The following MSRA variants were observed in gnomAD, a reference collection of about 807,000 sequenced individuals.
The protein encoded by MSRA is methionine sulfoxide reductase A, also known as mitochondrial peptide methionine sulfoxide reductase.
In MSRA, 54 loss-of-function variants were observed where a neutral mutation model predicts 31.3. That is an observed-to-expected ratio of 1.73 (90% CI 1.39 to 2.17). MSRA has a LOEUF of 2.17. Among genes scored for constraint, MSRA ranks in the 30% most tolerant of loss-of-function variants. MSRA has a pLI of 0.00. For missense variants in MSRA, 507 were observed against 300.9 expected, an observed-to-expected ratio of 1.69 and a Z score of -5.07; for synonymous variants, 169 against 116.5, an observed-to-expected ratio of 1.45 and a Z score of -2.90.
At chr8:10,367,628 C>A (rs1320794151) in intron 5 of MSRA, among the ~76,000 whole-genome samples, 1 of 152,192 alleles carries the variant, frequency 6.6e-6, no homozygotes, top group African/African-American at 2.4e-5. Flanking sequence ...AACCAAGGCA[C>A]AGAGGTGTTG....
intron 3 of MSRA, among the ~76,000 whole-genome samples, chr8:10,287,255 T>TG: frequency 6.6e-6 from 1 of 152,352 alleles, no homozygotes; most frequent in East Asian, 1.9e-4. Flanking sequence ...CATGAAATTA[T>TG]GGAATCAAAC....
rs1454377187 is a variant in MSRA at position 10,415,256 on chromosome 8, C to T, written c.544-12892C>T. Among the ~76,000 whole-genome samples, 4 of 152,170 alleles carry T rather than the reference C, an allele frequency of 2.6e-5. No individual in the cohort carries two copies. The South Asian group carries it at 8.3e-4, about 32-fold the overall frequency. ...CGGTAGAGAAGGAAGGACCCATTCCCCTTGCATCTAGGAAGTTATGCTTGG... is the reference window on the plus strand; with the variant it reads ...CGGTAGAGAAGGAAGGACCCATTCCTCTTGCATCTAGGAAGTTATGCTTGG... On this transcript the variant is annotated intron_variant, in intron 5 of 5. Transcript: ENST00000317173.
intron 1 of MSRA, among the ~76,000 whole-genome samples, chr8:10,125,740 G>A (rs893602045): frequency 6.6e-6 from 1 of 152,168 alleles, no homozygotes; most frequent in Admixed American, 6.5e-5. Flanking sequence ...AATGGAATTG[G>A]TCCACAAAGG....
chr8:10,428,677 G>T lies in MSRA; in HGVS notation c.*365G>T. 3.9e-6 allele frequency: 1 copy of T among 253,330 alleles called. No individual in the cohort carries two copies. Among genetic ancestry groups the T allele is most frequent in the Non-Finnish European group, 7.5e-6 (1 of 133,560 alleles). The allele number at this position is 253,330 out of a possible 1,614,324, so 15.7% of individuals were successfully genotyped here. On this transcript the variant is annotated 3_prime_UTR_variant, in exon 6 of 6. Coordinates refer to ENST00000317173, the MANE Select transcript of MSRA (RefSeq NM_012331.5). ...CTTTATCTGTGCTCTCTGCCCGCCAGTGCCTTACAATTTGCAAACGTGTAT... is the reference window on the plus strand; with the variant it reads ...CTTTATCTGTGCTCTCTGCCCGCCATTGCCTTACAATTTGCAAACGTGTAT...
chr8:10,415,193 C>T (rs375715902), intron 5 of MSRA, among the ~76,000 whole-genome samples: 1 of 152,176 alleles, frequency 6.6e-6, no homozygotes, highest in Non-Finnish European at 1.5e-5. Flanking sequence ...TGCAGCCAGC[C>T]CTGTCCAGCC....
At chr8:10,182,703 A>C (rs998995281) in intron 1 of MSRA, among the ~76,000 whole-genome samples, 7 of 152,206 alleles carry the variant, frequency 4.6e-5, no homozygotes, top group African/African-American at 1.7e-4. Context: ...CATTGGGCTC[A>C]GGGCCTCATT....
chr8:10,056,956 A>AT (rs1182995672), intron 1 of MSRA, among the ~76,000 whole-genome samples: 1 of 152,174 alleles, frequency 6.6e-6, no homozygotes, highest in Non-Finnish European at 1.5e-5. Context: ...GGTGTGTACC[A>AT]TTACCAAATA....
intron 5 of MSRA, among the ~76,000 whole-genome samples, chr8:10,349,974 C>T (rs1334557617): frequency 6.6e-6 from 1 of 152,246 alleles, no homozygotes; most frequent in Non-Finnish European, 1.5e-5. Flanking sequence ...GTTTGCCTTC[C>T]AGCTACCGCT....
intron 3 of MSRA, among the ~76,000 whole-genome samples, chr8:10,251,907 C>A (rs1208711396): frequency 6.6e-6 from 1 of 151,488 alleles, no homozygotes; most frequent in Non-Finnish European, 1.5e-5. Context: ...GCATTTGAGA[C>A]CTAGAAGGGC....
At chr8:10,288,735 G>C (rs1334053297) in intron 3 of MSRA, among the ~76,000 whole-genome samples, 1 of 152,148 alleles carries the variant, frequency 6.6e-6, no homozygotes, top group East Asian at 1.9e-4. Flanking sequence ...AGTTTAGTTA[G>C]AGCCATGCTT....
At chr8:10,186,567 G>T (rs1435973163) in intron 1 of MSRA, among the ~76,000 whole-genome samples, 1 of 152,192 alleles carries the variant, frequency 6.6e-6, no homozygotes, top group Non-Finnish European at 1.5e-5. Flanking sequence ...CCATGGTTTT[G>T]CCAATCCCCT....
chr8:10,183,543 C>G (rs898936942), intron 1 of MSRA, among the ~76,000 whole-genome samples: 9 of 152,106 alleles, frequency 5.9e-5, no homozygotes, highest in South Asian at 2.1e-4. Flanking sequence ...AAGTGGCGGT[C>G]AAGGCAAAAA....
At chr8:10,258,966 G>T (rs968452214) in intron 3 of MSRA, among the ~76,000 whole-genome samples, 4 of 152,178 alleles carry the variant, frequency 2.6e-5, no homozygotes, top group African/African-American at 9.7e-5. Context: ...AACTAGCCGG[G>T]TGTGGTGGTG....
intron 1 of MSRA, among the ~76,000 whole-genome samples, chr8:10,127,002 T>A (rs896502445): frequency 6.6e-6 from 1 of 152,222 alleles, no homozygotes; most frequent in African/African-American, 2.4e-5. Flanking sequence ...CACAGCCTGG[T>A]CCACTAGCTA....
chr8:10,407,615 T>A (rs1399731982), intron 5 of MSRA, among the ~76,000 whole-genome samples: 3 of 152,000 alleles, frequency 2.0e-5, no homozygotes, highest in African/African-American at 4.8e-5. Context: ...GGAAGGAGAA[T>A]GTCTCCGGGT....
chr8:10,152,513 T>A (rs1001996525), intron 1 of MSRA, among the ~76,000 whole-genome samples: 1 of 152,168 alleles, frequency 6.6e-6, no homozygotes, highest in South Asian at 2.1e-4. Flanking sequence ...GATTTCAGGA[T>A]GGATATTTAG....
chr8:10,139,779 T>C (rs1273251961), intron 1 of MSRA, among the ~76,000 whole-genome samples: 1 of 152,252 alleles, frequency 6.6e-6, no homozygotes, highest in African/African-American at 2.4e-5. Flanking sequence ...GTGGTGGACA[T>C]TGAGGTTATT....
chr8:10,362,085 G>C (rs6601446), intron 5 of MSRA, among the ~76,000 whole-genome samples: 140,589 of 152,178 alleles, frequency 0.92, 65,447 homozygotes, highest in East Asian at 1. Flanking sequence ...TTCCAACTTT[G>C]CCCTCACTTG....
At chr8:10,361,362 C>T (rs1471561336) in intron 5 of MSRA, among the ~76,000 whole-genome samples, 1 of 152,184 alleles carries the variant, frequency 6.6e-6, no homozygotes, top group African/African-American at 2.4e-5. Flanking sequence ...TAAACTCTTC[C>T]TTGGGAGACT....
Sources: allele counts gnomAD v4.1 joint callset (sites outside exome capture counted in the v4.1 genomes callset), GRCh38; gene constraint gnomAD v4.1.1; transcripts MANE v1.5; gene names NCBI Gene and HGNC (gene_info 2026-07-23, HGNC 2026-07-21).